Variants in CDYL2 observed in about 807,000 individuals in gnomAD.
CDYL2 encodes chromodomain Y like 2.
A neutral mutation model predicts 49.4 loss-of-function variants in CDYL2; 23 were observed. The observed-to-expected ratio is 0.47, with a 90% CI of 0.34 to 0.66. The LOEUF is 0.66. Ranked by LOEUF, CDYL2 falls within the 30% of genes least tolerant of loss-of-function variation. CDYL2 has a pLI of 0.01. For missense variants in CDYL2, 678 were observed against 656.4 expected (o/e 1.03, Z -0.36); for synonymous variants, 360 against 268.8 (o/e 1.34, Z -3.32).
At chr16:80,785,809 C>T (rs73579960) in intron 1 of CDYL2, among the ~76,000 whole-genome samples, 20,826 of 152,154 alleles carry the variant, frequency 0.14, 3,383 homozygotes, top group African/African-American at 0.39. Context: ...AATAACACCA[C>T]ACATCTACCG....
chr16:80,720,676 G>C (rs1904967591), intron 1 of CDYL2, among the ~76,000 whole-genome samples: 1 of 152,206 alleles, frequency 6.6e-6, no homozygotes, highest in African/African-American at 2.4e-5. Context: ...GATTCAGGGT[G>C]CATTTTCCTC....
intron 1 of CDYL2, among the ~76,000 whole-genome samples, chr16:80,708,162 G>C (rs1322913237): frequency 6.6e-6 from 1 of 152,152 alleles, no homozygotes; most frequent in Non-Finnish European, 1.5e-5. Flanking sequence ...ACAGGAAGTG[G>C]AGACGTCAAA....
intron 2 of CDYL2, among the ~76,000 whole-genome samples, chr16:80,654,848 A>C (rs1392061236): frequency 6.6e-6 from 1 of 152,210 alleles, no homozygotes; most frequent in Admixed American, 6.5e-5. Flanking sequence ...CACCAGGTAA[A>C]ATGATTCAGT....
chr16:80,733,072 C>G (rs1057151439), intron 1 of CDYL2, among the ~76,000 whole-genome samples: 1 of 152,066 alleles, frequency 6.6e-6, no homozygotes, highest in African/African-American at 2.4e-5. Flanking sequence ...TAGCCTATAT[C>G]TACTGATAAC....
At chr16:80,653,330 T>C (rs1908667007) in intron 2 of CDYL2, among the ~76,000 whole-genome samples, 2 of 152,106 alleles carry the variant, frequency 1.3e-5, no homozygotes, top group South Asian at 4.1e-4. Context: ...CCGGGCATGG[T>C]GGTGCATGCC....
At chr16:80,728,914 C>A (rs1336776981) in intron 1 of CDYL2, among the ~76,000 whole-genome samples, 2 of 151,286 alleles carry the variant, frequency 1.3e-5, no homozygotes, top group African/African-American at 2.4e-5. Context: ...GAGATTTTGT[C>A]ACCACCAGGC....
intron 5 of CDYL2, among the ~76,000 whole-genome samples, chr16:80,610,010 G>C (rs1021589741): frequency 1.3e-5 from 2 of 152,078 alleles, no homozygotes; most frequent in Admixed American, 6.5e-5. Context: ...CCAGCACAGA[G>C]GCAAGGTTAA....
intron 1 of CDYL2, among the ~76,000 whole-genome samples, chr16:80,693,589 A>T (rs1910502602): frequency 6.6e-6 from 1 of 152,214 alleles, no homozygotes; most frequent in African/African-American, 2.4e-5. Context: ...GTATAACAGA[A>T]TACCACTCAG....
intron 1 of CDYL2, among the ~76,000 whole-genome samples, chr16:80,744,115 C>T (rs534542329): frequency 6.6e-6 from 1 of 152,258 alleles, no homozygotes; most frequent in East Asian, 1.9e-4. Flanking sequence ...AACTGAAGCA[C>T]AGAGAAGTTA....
At chr16:80,680,965 G>T (rs1909945659) in intron 2 of CDYL2, among the ~76,000 whole-genome samples, 1 of 152,078 alleles carries the variant, frequency 6.6e-6, no homozygotes, top group African/African-American at 2.4e-5. Flanking sequence ...TATCAGAGAA[G>T]ACTCAGAATC....
intron 1 of CDYL2, among the ~76,000 whole-genome samples, chr16:80,803,582 C>T (rs892292858): frequency 1.1e-4 from 16 of 148,358 alleles, no homozygotes; most frequent in African/African-American, 3.5e-4. Context: ...GGTTGTCCCC[C>T]CGAACCCCCA....
chr16:80,688,349 A>G (rs926203816), intron 1 of CDYL2, among the ~76,000 whole-genome samples: 1 of 152,106 alleles, frequency 6.6e-6, no homozygotes, highest in Non-Finnish European at 1.5e-5. Flanking sequence ...GTCATTTTCT[A>G]TCTGTATGAC....
intron 1 of CDYL2, among the ~76,000 whole-genome samples, chr16:80,737,490 C>T (rs997375753): frequency 1.3e-5 from 2 of 152,188 alleles, no homozygotes; most frequent in Admixed American, 6.5e-5. Context: ...GCTCTTCAGC[C>T]ACTGTATTAA....
chr16:80,616,975 C>T (rs889744096), intron 4 of CDYL2, among the ~76,000 whole-genome samples: 7 of 152,328 alleles, frequency 4.6e-5, no homozygotes, highest in African/African-American at 9.6e-5. Context: ...TGAGCTCAGG[C>T]GGTCTGCTTC....
intron 1 of CDYL2, among the ~76,000 whole-genome samples, chr16:80,764,414 C>A (rs1389709762): frequency 6.6e-6 from 1 of 152,140 alleles, no homozygotes; most frequent in Non-Finnish European, 1.5e-5. Context: ...GTGTCACAAT[C>A]TCCCCAAATT....
At chr16:80,647,100 C>T (rs895361094) in intron 2 of CDYL2, among the ~76,000 whole-genome samples, 1 of 152,082 alleles carries the variant, frequency 6.6e-6, no homozygotes, top group African/African-American at 2.4e-5. Flanking sequence ...AAAGTTATCC[C>T]ATTTACAATA....
At chr16:80,801,492 C>T (rs914410367) in intron 1 of CDYL2, among the ~76,000 whole-genome samples, 5 of 152,234 alleles carry the variant, frequency 3.3e-5, no homozygotes, top group Admixed American at 6.5e-5. Context: ...CCAAATCACA[C>T]TTCACCATAA....
intron 2 of CDYL2, among the ~76,000 whole-genome samples, chr16:80,655,556 C>G (rs936265509): frequency 1.3e-5 from 2 of 152,120 alleles, no homozygotes; most frequent in Admixed American, 6.5e-5. Context: ...ATTAGCGCAA[C>G]AGGGTGGAGA....
chr16:80,655,952 T>C (rs1321888912), intron 2 of CDYL2, among the ~76,000 whole-genome samples: 1 of 152,120 alleles, frequency 6.6e-6, no homozygotes, highest in Non-Finnish European at 1.5e-5. Context: ...GTTGGAACTG[T>C]GGAAGCTTAG....
Sources: allele counts gnomAD v4.1 joint callset (sites outside exome capture counted in the v4.1 genomes callset), GRCh38; gene constraint gnomAD v4.1.1; transcripts MANE v1.5; gene names NCBI Gene and HGNC (gene_info 2026-07-23, HGNC 2026-07-21).